Variants in CCDC88A observed in about 807,000 individuals in gnomAD.
The protein encoded by CCDC88A is coiled-coil and HOOK domain protein 88A, also known as girdin.
In CCDC88A, 54 loss-of-function variants were observed where a neutral mutation model predicts 234.3. That is an observed-to-expected ratio of 0.23 (90% confidence interval 0.19 to 0.29). CCDC88A has a LOEUF of 0.29. Among genes scored for constraint, CCDC88A ranks in the 10% least tolerant of loss-of-function variants. CCDC88A has a pLI of 1.00. For missense variants in CCDC88A, 1,832 were observed against 2,123.4 expected, an observed-to-expected ratio of 0.86 and a Z score of 2.70; for synonymous variants, 753 against 737.8, an observed-to-expected ratio of 1.02 and a Z score of -0.33.
In CCDC88A at chr2:55,349,534, T is replaced by C. The variant is rs757276194; in HGVS notation, c.866A>G (p.Lys289Arg). Residue 289 changes from lysine to arginine, a missense_variant, in exon 9 of 33, where the codon AAA becomes AGA. Physicochemically the swap from Lys to Arg is conservative, Grantham distance 26. Coordinates refer to ENST00000436346, the MANE Select transcript of CCDC88A (RefSeq NM_001365480.1). ...GGTACAAACCTCTTGTTGCAGCCTTTTGAGTTCTATTTCCATTTGCTCAAG... is the reference window on the plus strand; with the variant it reads ...GGTACAAACCTCTTGTTGCAGCCTTCTGAGTTCTATTTCCATTTGCTCAAG... ...QELEQMEIEL[K>R]RLQQENMNLL... The C allele has an allele frequency of 6.2e-7, 1 of 1,612,528 alleles. No individual in the cohort carries two copies. Among genetic ancestry groups the C allele is most frequent in the Middle Eastern group, 1.7e-4 (1 of 6,054 alleles).
chr2:55,321,201 T>A (rs958262804), intron 18 of CCDC88A: 2 of 151,558 alleles, frequency 1.3e-5, no homozygotes, highest in Non-Finnish European at 2.9e-5. Flanking sequence ...CACGTATATA[T>A]CCTTTGGCCT....
intron 21 of CCDC88A, 25 bp from the exon 22 acceptor site, chr2:55,316,139 T>C (rs758871171): frequency 3.0e-5 from 30 of 1,004,702 alleles, no homozygotes; most frequent in Non-Finnish European, 4.3e-5. Flanking sequence ...CATAGAAATA[T>C]AATTAGATTA....
At chr2:55,379,333 T>C (rs1012522583) in intron 3 of CCDC88A, among the ~76,000 whole-genome samples, 1 of 152,160 alleles carries the variant, frequency 6.6e-6, no homozygotes, top group African/African-American at 2.4e-5. Flanking sequence ...AATGCATGTA[T>C]ATAAACTAAT....
intron 5 of CCDC88A, among the ~76,000 whole-genome samples, chr2:55,366,351 C>A (rs976014742): frequency 6.6e-6 from 1 of 151,946 alleles, no homozygotes; most frequent in African/African-American, 2.4e-5. Context: ...CATGGTGACA[C>A]CCTGTCTCTA....
intron 2 of CCDC88A, among the ~76,000 whole-genome samples, chr2:55,411,490 T>C (rs901098050): frequency 4.6e-5 from 7 of 152,082 alleles, no homozygotes; most frequent in African/African-American, 1.7e-4. Flanking sequence ...AATCTCAACA[T>C]GGCCCAGGCA....
intron 18 of CCDC88A, among the ~76,000 whole-genome samples, chr2:55,321,830 T>C (rs1424417819): frequency 6.6e-6 from 1 of 152,092 alleles, no homozygotes; most frequent in Non-Finnish European, 1.5e-5. Context: ...ATAGTGATTC[T>C]TTTTGAATGA....
At chr2:55,353,451 AAT>A (rs774296085) in intron 8 of CCDC88A, among the ~76,000 whole-genome samples, 3 of 152,180 alleles carry the variant, frequency 2.0e-5, no homozygotes, top group Non-Finnish European at 4.4e-5. Context: ...ATAGATACAT[AAT>A]AATGCAGACA....
At chr2:55,377,121 C>T (rs1288846031) in intron 3 of CCDC88A, among the ~76,000 whole-genome samples, 5 of 151,734 alleles carry the variant, frequency 3.3e-5, no homozygotes, top group African/African-American at 4.8e-5. Flanking sequence ...CATGAGCCAC[C>T]GTGCCCGGAC....
intron 8 of CCDC88A, 69 bp from the exon 9 acceptor site, chr2:55,349,668 T>C: frequency 9.9e-7 from 1 of 1,009,970 alleles, no homozygotes; most frequent in Non-Finnish European, 1.5e-6. Flanking sequence ...TGCGTTAATA[T>C]AAATGTATCA....
intron 8 of CCDC88A, among the ~76,000 whole-genome samples, chr2:55,351,905 A>G (rs577358682): frequency 1.3e-5 from 2 of 152,228 alleles, no homozygotes; most frequent in Non-Finnish European, 2.9e-5. Flanking sequence ...AGAATAAAGT[A>G]TTGATACATG....
chr2:55,335,231 A>G lies in CCDC88A; in HGVS notation c.1657-67T>C. On this transcript the variant is annotated intron_variant, in intron 14 of 32. Coordinates refer to ENST00000436346, the MANE Select transcript of CCDC88A (RefSeq NM_001365480.1). This position sits in a 1 kb window ranked among gnomAD's most constrained non-coding sequence, Gnocchi z 4.5. ...AAACTAACTATGGTTTATCTCTTCC[A>G]AAAACTACCAAGAAAAGGGGAACAA... is the stretch of plus-strand genomic sequence containing the variant. 2 of 1,003,488 alleles carry G rather than the reference A, an allele frequency of 2.0e-6. No individual in the cohort carries two copies. Among genetic ancestry groups the G allele is most frequent in the Non-Finnish European group, 2.8e-6 (2 of 711,720 alleles). 62.2% of individuals were successfully genotyped at this position (1,003,488 alleles called of 1,614,324 possible).
At chr2:55,370,770 G>A (rs1672724804) in intron 5 of CCDC88A, among the ~76,000 whole-genome samples, 1 of 151,336 alleles carries the variant, frequency 6.6e-6, no homozygotes, top group Non-Finnish European at 1.5e-5. Flanking sequence ...TACTTTGGGA[G>A]GCCGAGGCAG....
chr2:55,379,076 T>C, intron 3 of CCDC88A, among the ~76,000 whole-genome samples: 1 of 152,110 alleles, frequency 6.6e-6, no homozygotes. Flanking sequence ...GTAAAAAGTC[T>C]TTTTATTTCC....
intron 2 of CCDC88A, among the ~76,000 whole-genome samples, chr2:55,409,738 C>CTTTTTTTTTT (rs61703330): frequency 1.3e-4 from 15 of 111,718 alleles, no homozygotes; most frequent in South Asian, 2.9e-4. Flanking sequence ...ATATACCTCC[C>CTTTTTTTTTT]TTTTTTTTTT....
At chr2:55,360,237 G>A (rs1671110894) in intron 7 of CCDC88A, among the ~76,000 whole-genome samples, 1 of 152,084 alleles carries the variant, frequency 6.6e-6, no homozygotes. Flanking sequence ...TAAAAAGGGT[G>A]ACCAAATATA....
chr2:55,292,324 G>A (rs979195899), intron 31 of CCDC88A: 10 of 152,122 alleles, frequency 6.6e-5, no homozygotes, highest in African/African-American at 2.4e-4. Context: ...CTGAATCTTC[G>A]AATAGTTTTA....
intron 2 of CCDC88A, among the ~76,000 whole-genome samples, chr2:55,406,950 T>C (rs1679691867): frequency 6.6e-6 from 1 of 152,170 alleles, no homozygotes; most frequent in Non-Finnish European, 1.5e-5. Flanking sequence ...CAGTGGCTAA[T>C]GCCTATAACC....
intron 8 of CCDC88A, among the ~76,000 whole-genome samples, chr2:55,353,953 T>C (rs1216742532): frequency 6.6e-6 from 1 of 152,176 alleles, no homozygotes; most frequent in Admixed American, 6.5e-5. Flanking sequence ...TACACAAATC[T>C]AGATGGTAAT....
Position 55,296,173 on chromosome 2 carries a change from C to A in CCDC88A, c.5091+85G>T, listed in dbSNP as rs2028140. Reference sequence around the variant, plus strand: ...TACCTCTTAATACTCCTTAACTTACCAAAAAAAAAAAGCTCTGAAGTTCAA... The same window carrying A: ...TACCTCTTAATACTCCTTAACTTACAAAAAAAAAAAAGCTCTGAAGTTCAA... On this transcript the variant is annotated intron_variant, in intron 30 of 32. Transcript: ENST00000436346. 1,318,836 of 1,390,040 alleles carry A rather than the reference C, an allele frequency of 0.95. 626,237 individuals are homozygous for A. Among genetic ancestry groups the A allele is most frequent in the Admixed American group, 0.97 (39,426 of 40,574 alleles). The allele number at this position is 1,390,040 out of a possible 1,614,324, so 86.1% of individuals were successfully genotyped here.
Sources: gnomAD v4.1 joint callset for allele counts (sites outside exome capture counted in the v4.1 genomes callset) on GRCh38, gnomAD v4.1.1 for gene constraint, Gnocchi (gnomAD v3.1) non-coding constraint, MANE v1.5 for transcripts, NCBI Gene and HGNC (gene_info 2026-07-23, HGNC 2026-07-21) for gene names.